GP9: variants seen among roughly 807,000 people sequenced by gnomAD.
GP9 encodes the protein platelet glycoprotein IX.
For missense variants in GP9, 228 were observed against 241.8 expected (o/e 0.94, Z 0.38); for synonymous variants, 116 against 116.7 (o/e 0.99, Z 0.04).
upstream of GP9, among the ~76,000 whole-genome samples, chr3:129,056,237 C>T (rs1946520909): frequency 6.6e-6 from 1 of 152,142 alleles, no homozygotes; most frequent in African/African-American, 2.4e-5. Flanking sequence ...GCCGGGGTGA[C>T]GGAGACCTGC....
Position 129,062,272 on chromosome 3 carries a change from G to A in GP9, c.533G>A (p.Ter178=), listed in dbSNP as rs566144272. ...TGTGCCACCACAGAGGCCCTGGATT[G>A]AGCCAGGCCCCCAGAACCCCTGGCT... ...LLCATTEALD[*] is the part of the protein sequence containing the mutation. Residue 178 remains the stop codon, a stop_retained_variant, in exon 3 of 3, where the codon TGA becomes TAA. Coordinates refer to ENST00000307395, the MANE Select transcript of GP9 (RefSeq NM_000174.5). The A allele has an allele frequency of 6.2e-5, 96 of 1,544,854 alleles. No individual in the cohort carries two copies. In the East Asian group the frequency reaches 2.2e-3, roughly 36 times the overall value.
upstream of GP9, among the ~76,000 whole-genome samples, chr3:129,056,232 G>A (rs1193275906): frequency 1.3e-5 from 2 of 152,214 alleles, no homozygotes; most frequent in Admixed American, 6.5e-5. Flanking sequence ...GAACAGCCGG[G>A]GTGACGGAGA....
At chr3:129,056,354 A>G (rs1431662421), upstream of GP9, among the ~76,000 whole-genome samples, 2 of 152,196 alleles carry the variant, frequency 1.3e-5, no homozygotes, top group African/African-American at 4.8e-5. Flanking sequence ...AATGCTACCT[A>G]ATAATCACTG....
At chr3:129,056,028 C>T (rs947671002), upstream of GP9, among the ~76,000 whole-genome samples, 2 of 152,192 alleles carry the variant, frequency 1.3e-5, no homozygotes, top group East Asian at 3.9e-4. Flanking sequence ...GGCCAGACCC[C>T]CAGCAAAGCA....
At chr3:129,055,341 T>G in the GP9 span, among the ~76,000 whole-genome samples, 1 of 152,274 alleles carries the variant, frequency 6.6e-6, no homozygotes, top group Non-Finnish European at 1.5e-5. Flanking sequence ...AGAAAGTTTG[T>G]ATGCTCGAAT....
In GP9 at chr3:129,061,549, C is replaced by G; in HGVS notation, c.-83C>G. ...CCAGAGACAGTTAGCCAGGCCTGGGCTGGGCACACTCCACCTTCCCTAGTC... is the reference window on the plus strand; with the variant it reads ...CCAGAGACAGTTAGCCAGGCCTGGGGTGGGCACACTCCACCTTCCCTAGTC... On this transcript the variant is annotated 5_prime_UTR_variant, in exon 2 of 3. Transcript: ENST00000307395. 1.6e-6 allele frequency: 1 copy of G among 644,824 alleles called. No individual in the cohort carries two copies. The highest frequency in any genetic ancestry group is 2.2e-5 in the Admixed American group (1 of 44,844). The allele number at this position is 644,824 out of a possible 1,614,324, so 39.9% of individuals were successfully genotyped here. A position where few individuals can be genotyped will look rare whatever the true frequency, so the allele number is the denominator to read the frequency against.
chr3:129,056,482 CAG>C (rs1491316359), upstream of GP9, among the ~76,000 whole-genome samples: 1 of 152,238 alleles, frequency 6.6e-6, no homozygotes. Flanking sequence ...GATTACCAAA[CAG>C]AGGCTGTTTC....
chr3:129,061,717 T>G lies in GP9; in HGVS notation c.-12-11T>G, dbSNP rs1205556876. 1.2e-6 allele frequency: 2 copies of G among 1,604,100 alleles called. No homozygotes were observed. The highest frequency in any genetic ancestry group is 1.7e-6 in the Non-Finnish European group (2 of 1,175,200). On this transcript the variant is annotated splice_polypyrimidine_tract_variant and intron_variant, in intron 2 of 2. Transcript: ENST00000307395. ...CTGCCAGGCCCTCCCTCACAGCCCC[T>G]CTCTCTGCAGCCAGCCTGTCCCATG...
rs751989054 is a variant in GP9, at chr3:129,062,204, C to T, written c.465C>T (p.Val155=). 1.8e-5 allele frequency: 28 copies of T among 1,566,264 alleles called. No homozygotes were observed. Among genetic ancestry groups the T allele is most frequent in the South Asian group, 4.6e-5 (4 of 86,180 alleles). ...RPGVLWDVAL[V]AVAALGLALL... is the part of the protein sequence containing the mutation. ...GGGTCTTGTGGGACGTGGCGCTGGT[C>T]GCCGTGGCCGCGCTGGGCCTGGCTC... Residue 155 remains valine, a synonymous_variant, in exon 3 of 3, where the codon GTC becomes GTT. Transcript: ENST00000307395.
At position 129,061,895 on chromosome 3, in the gene GP9, C is replaced by T; in HGVS notation, c.156C>T (p.Arg52=). 2 of 1,613,590 alleles carry T rather than the reference C, an allele frequency of 1.2e-6. No homozygotes were observed. Among genetic ancestry groups the T allele is most frequent in the East Asian group, 2.2e-5 (1 of 44,866 alleles). ...CGGCCCTGCCTGCCCTGCCGGCCCG[C>T]ACCCGCCACCTTCTGCTGGCCAACA... The part of the protein sequence containing the change: ...GLTALPALPA[R]TRHLLLANNS... The change falls in exon 3 of 3, where the codon CGC becomes CGT. Residue 52 remains arginine, a synonymous_variant. Coordinates refer to ENST00000307395, the MANE Select transcript of GP9 (RefSeq NM_000174.5).
chr3:129,058,555 A>G (rs751351283), upstream of GP9, among the ~76,000 whole-genome samples: 1 of 152,174 alleles, frequency 6.6e-6, no homozygotes, highest in Non-Finnish European at 1.5e-5. Flanking sequence ...GCTCACTAAC[A>G]TAGACACTCC....
chr3:129,055,644 C>CTTTT, the GP9 span, among the ~76,000 whole-genome samples: 14 of 148,586 alleles, frequency 9.4e-5, no homozygotes, highest in East Asian at 6.0e-4. Context: ...TTCTTTCTTT[C>CTTTT]TTTCTTTTTT....
chr3:129,059,739 C>A (rs1946555205), upstream of GP9, among the ~76,000 whole-genome samples: 2 of 152,140 alleles, frequency 1.3e-5, no homozygotes, highest in Admixed American at 6.5e-5. Flanking sequence ...AGGCGGCCTC[C>A]CAAGGAAGGA....
chr3:129,061,390 T>G, intron 1 of GP9, 104 bp from the exon 2 acceptor site: 1 of 413,362 alleles, frequency 2.4e-6, no homozygotes, highest in Non-Finnish European at 4.6e-6. Context: ...TGGGACTCAT[T>G]TAGCAGCCAT....
chr3:129,062,063 G>A lies in GP9; in HGVS notation c.324G>A (p.Leu108=). 2.5e-6 allele frequency: 4 copies of A among 1,612,240 alleles called. No homozygotes were observed. Among genetic ancestry groups the A allele is most frequent in the Non-Finnish European group, 3.4e-6 (4 of 1,179,586 alleles). ...LWLEDRTPEA[L]LQVRCASPSL... The stretch of plus-strand genomic sequence containing the variant: ...TGGAGGACCGCACGCCCGAGGCCCT[G>A]CTGCAGGTCCGCTGTGCCAGCCCCA... Residue 108 remains leucine (L), a synonymous_variant, in exon 3 of 3, where the codon CTG becomes CTA. Transcript: ENST00000307395.
At position 129,062,216 on chromosome 3, in the gene GP9, G is replaced by T. The variant is rs780042360; in HGVS notation, c.477G>T (p.Ala159=). 10 of 1,563,436 alleles carry T rather than the reference G, an allele frequency of 6.4e-6. No individual in the cohort carries two copies. Among genetic ancestry groups the T allele is most frequent in the Non-Finnish European group, 8.6e-6 (10 of 1,157,716 alleles). Residue 159 remains alanine, a synonymous_variant, in exon 3 of 3, where the codon GCG becomes GCT. Coordinates refer to ENST00000307395, the MANE Select transcript of GP9 (RefSeq NM_000174.5). ...ACGTGGCGCTGGTCGCCGTGGCCGCGCTGGGCCTGGCTCTTCTGGCTGGCC... is the reference window on the plus strand; with the variant it reads ...ACGTGGCGCTGGTCGCCGTGGCCGCTCTGGGCCTGGCTCTTCTGGCTGGCC... ...LWDVALVAVA[A]LGLALLAGLL...
the GP9 span, among the ~76,000 whole-genome samples, chr3:129,055,333 A>T: frequency 6.6e-6 from 1 of 152,248 alleles, no homozygotes; most frequent in Non-Finnish European, 1.5e-5. Flanking sequence ...TTTAAGAAAG[A>T]AAGTTTGTAT....
At chr3:129,061,408 T>C in intron 1 of GP9, 86 bp from the exon 2 acceptor site, 1 of 453,028 alleles carries the variant, frequency 2.2e-6, no homozygotes, top group Non-Finnish European at 4.1e-6. Context: ...CATCTGCTCC[T>C]CTCATCCCCA....
chr3:129,058,635 T>G (rs1018888726), upstream of GP9, among the ~76,000 whole-genome samples: 3 of 152,196 alleles, frequency 2.0e-5, no homozygotes, highest in Non-Finnish European at 2.9e-5. Context: ...GTTACAGGGT[T>G]CTGGAAACTC....
Sources: allele counts gnomAD v4.1 joint callset (sites outside exome capture counted in the v4.1 genomes callset), GRCh38; gene constraint gnomAD v4.1.1; transcripts MANE v1.5; gene names NCBI Gene and HGNC (gene_info 2026-07-23, HGNC 2026-07-21).